MACROD2: variants seen among roughly 807,000 people sequenced by gnomAD.
The protein encoded by MACROD2 is ADP-ribose glycohydrolase MACROD2.
Under a neutral mutation model 70.4 loss-of-function variants are expected in MACROD2, and 36 were observed. The ratio of observed to expected loss-of-function variants is 0.51; its 90% CI spans 0.39 to 0.68. The LOEUF (loss-of-function observed/expected upper bound fraction) is 0.68, where lower values mean the gene tolerates loss of function less well. Among genes scored for constraint, MACROD2 ranks in the 30% least tolerant of loss-of-function variants. The pLI, the probability that MACROD2 is intolerant of heterozygous loss-of-function variation, is 0.00. For synonymous variants in MACROD2, 172 were observed against 178.8 expected (o/e 0.96, Z 0.30); for missense variants, 496 against 538.4 (o/e 0.92, Z 0.78).
intron 6 of MACROD2, among the ~76,000 whole-genome samples, chr20:15,429,151 A>T (rs900740830): frequency 6.6e-6 from 1 of 152,194 alleles, no homozygotes; most frequent in South Asian, 2.1e-4. Context: ...GTTGATTTTC[A>T]TACGGAGAGT....
At chr20:15,178,725 T>A (rs1392131407) in intron 5 of MACROD2, among the ~76,000 whole-genome samples, 19 of 152,142 alleles carry the variant, frequency 1.2e-4, no homozygotes, top group Non-Finnish European at 1.5e-5. Context: ...GAAGGGAAAA[T>A]GTGCATGGCA....
intron 3 of MACROD2, among the ~76,000 whole-genome samples, chr20:14,146,110 C>A (rs1303003679): frequency 6.6e-6 from 1 of 152,144 alleles, no homozygotes; most frequent in African/African-American, 2.4e-5. Context: ...ATCACGAGGT[C>A]AGAAGATCGA....
At chr20:14,217,643 T>G (rs1166537837) in intron 3 of MACROD2, among the ~76,000 whole-genome samples, 4 of 151,950 alleles carry the variant, frequency 2.6e-5, no homozygotes. Context: ...GGTCCTGAAC[T>G]TTTTTTTGTT....
chr20:14,814,518 G>T (rs2072751551), intron 5 of MACROD2, among the ~76,000 whole-genome samples: 2 of 151,920 alleles, frequency 1.3e-5, no homozygotes, highest in African/African-American at 2.4e-5. Flanking sequence ...TTTTTTGGAA[G>T]ACACTAAAAA....
intron 5 of MACROD2, among the ~76,000 whole-genome samples, chr20:15,197,723 G>T (rs2076617961): frequency 6.6e-6 from 1 of 151,994 alleles, no homozygotes; most frequent in African/African-American, 2.4e-5. Context: ...TTGAGACAGG[G>T]TCTTTCTCTA....
intron 3 of MACROD2, among the ~76,000 whole-genome samples, chr20:14,336,648 A>G (rs1310245560): frequency 6.6e-6 from 1 of 152,212 alleles, no homozygotes; most frequent in African/African-American, 2.4e-5. Context: ...TACATCAGGC[A>G]TAGCTTCCAG....
At chr20:14,751,500 G>C (rs2071870031) in intron 5 of MACROD2, among the ~76,000 whole-genome samples, 1 of 152,080 alleles carries the variant, frequency 6.6e-6, no homozygotes, top group African/African-American at 2.4e-5. Flanking sequence ...ACAGGTTTTA[G>C]TCTAGTTTTC....
At chr20:15,913,834 G>C (rs746794153) in intron 10 of MACROD2, among the ~76,000 whole-genome samples, 13 of 152,200 alleles carry the variant, frequency 8.5e-5, no homozygotes, top group African/African-American at 2.9e-4. Flanking sequence ...AGTGCTTATA[G>C]TATTTTAGGG....
intron 5 of MACROD2, among the ~76,000 whole-genome samples, chr20:15,174,836 A>G (rs925699691): frequency 2.0e-5 from 3 of 152,084 alleles, no homozygotes; most frequent in Non-Finnish European, 1.5e-5. Flanking sequence ...TGCTTTGCCC[A>G]CTTTTTGATG....
chr20:14,036,755 C>T (rs1423435028), intron 2 of MACROD2, among the ~76,000 whole-genome samples: 1 of 152,172 alleles, frequency 6.6e-6, no homozygotes, highest in Admixed American at 6.5e-5. Flanking sequence ...CCTCTGCCTC[C>T]CAGGCTCAAG....
intron 5 of MACROD2, among the ~76,000 whole-genome samples, chr20:14,728,316 A>G (rs2071553716): frequency 6.6e-6 from 1 of 152,222 alleles, no homozygotes. Flanking sequence ...AAGTCCTTAT[A>G]ATTTAAACAT....
intron 6 of MACROD2, among the ~76,000 whole-genome samples, chr20:15,421,272 G>A (rs1345407272): frequency 6.6e-6 from 1 of 151,986 alleles, no homozygotes; most frequent in Non-Finnish European, 1.5e-5. Flanking sequence ...CAGCTATTCA[G>A]GAGGCTGAGG....
At chr20:14,667,681 G>A (rs963296063) in intron 4 of MACROD2, among the ~76,000 whole-genome samples, 1 of 152,080 alleles carries the variant, frequency 6.6e-6, no homozygotes, top group Admixed American at 6.6e-5. Flanking sequence ...TAGACATTTC[G>A]ATGAGCTGCA....
At chr20:15,031,774 T>C (rs767024560) in intron 5 of MACROD2, among the ~76,000 whole-genome samples, 13 of 152,044 alleles carry the variant, frequency 8.6e-5, no homozygotes, top group Non-Finnish European at 1.8e-4. Context: ...GGGAGCACCA[T>C]AAATTCTCTC....
At chr20:14,935,858 T>G (rs981580445) in intron 5 of MACROD2, among the ~76,000 whole-genome samples, 11 of 152,218 alleles carry the variant, frequency 7.2e-5, no homozygotes, top group African/African-American at 2.7e-4. Flanking sequence ...CTATTTGTAT[T>G]TTCTCTGTGT....
chr20:14,423,755 A>ATTTTTT (rs1165796772), intron 3 of MACROD2, among the ~76,000 whole-genome samples: 5 of 63,108 alleles, frequency 7.9e-5, no homozygotes, highest in East Asian at 5.5e-4. Flanking sequence ...GACATCTTAA[A>ATTTTTT]TTTTTTTTTT....
At chr20:14,212,563 T>G (rs1259302358) in intron 3 of MACROD2, among the ~76,000 whole-genome samples, 2 of 152,074 alleles carry the variant, frequency 1.3e-5, no homozygotes, top group African/African-American at 4.8e-5. Context: ...TTTTTGCCAG[T>G]GTATGACAAT....
chr20:14,217,124 T>G (rs2081629792), intron 3 of MACROD2, among the ~76,000 whole-genome samples: 1 of 152,152 alleles, frequency 6.6e-6, no homozygotes, highest in Admixed American at 6.5e-5. Flanking sequence ...CCCCATTCGG[T>G]ATTTTGTTGG....
chr20:14,543,702 G>A (rs1017321765), intron 4 of MACROD2, among the ~76,000 whole-genome samples: 1 of 152,098 alleles, frequency 6.6e-6, no homozygotes. Context: ...ATCATAAGTT[G>A]AAAATATCAT....
Sources: allele counts gnomAD v4.1 joint callset (sites outside exome capture counted in the v4.1 genomes callset), GRCh38; gene constraint gnomAD v4.1.1; transcripts MANE v1.5; gene names NCBI Gene and HGNC (gene_info 2026-07-23, HGNC 2026-07-21).